RMP64: variants seen among roughly 807,000 people sequenced by gnomAD.
The protein encoded by RMP64 is nucleolus and neural progenitor protein.
At chr3:113,003,723 T>C in the RMP64 span, 1 of 152,134 alleles carries the variant, frequency 6.6e-6, no homozygotes, top group Non-Finnish European at 1.5e-5. Flanking sequence ...AAAGATAAGC[T>C]CCAAAGTTTA....
the RMP64 span, chr3:113,008,221 G>A: frequency 3.1e-6 from 5 of 1,613,994 alleles, no homozygotes; most frequent in East Asian, 2.2e-5. Flanking sequence ...TAAGAAGTTT[G>A]TTACCCAGAA....
At chr3:113,005,696 A>C in the RMP64 span, 1 of 1,613,986 alleles carries the variant, frequency 6.2e-7, no homozygotes, top group Admixed American at 1.7e-5. Context: ...AGTTTGTATG[A>C]CAGGCATTGA....
chr3:113,017,508 T>C, the RMP64 span: 1 of 1,614,192 alleles, frequency 6.2e-7, no homozygotes, highest in Non-Finnish European at 8.5e-7. Flanking sequence ...TGTAAAGGAC[T>C]GCACATAACA....
chr3:113,013,944 C>CTG, the RMP64 span: 1 of 1,598,520 alleles, frequency 6.3e-7, no homozygotes, highest in Non-Finnish European at 8.6e-7. Context: ...AACTGGACCA[C>CTG]TTACTTACTT....
the RMP64 span, chr3:113,012,684 G>T: frequency 9.8e-7 from 1 of 1,016,330 alleles, no homozygotes; most frequent in Non-Finnish European, 1.5e-6. Flanking sequence ...AGAAACCTAG[G>T]CTGAAAGGAG....
At chr3:113,015,063 A>C in the RMP64 span, 1 of 152,196 alleles carries the variant, frequency 6.6e-6, no homozygotes, top group Non-Finnish European at 1.5e-5. Flanking sequence ...AATTTCTAGA[A>C]GTATATTTGC....
chr3:113,005,552 G>A, the RMP64 span: 1 of 1,610,768 alleles, frequency 6.2e-7, no homozygotes, highest in East Asian at 2.2e-5. Context: ...TCCCATTAAA[G>A]CAAAAATATC....
At chr3:113,012,490 G>A in the RMP64 span, 5 of 333,722 alleles carry the variant, frequency 1.5e-5, no homozygotes, top group South Asian at 1.3e-4. Context: ...AGTCACTCCC[G>A]ATTTTTTTAG....
At chr3:113,011,332 G>C in the RMP64 span, 1 of 1,613,136 alleles carries the variant, frequency 6.2e-7, no homozygotes, top group East Asian at 2.2e-5. Flanking sequence ...TTGAATCCTA[G>C]CGACCTCTTG....
the RMP64 span, chr3:113,011,167 T>G: frequency 6.2e-7 from 1 of 1,613,638 alleles, no homozygotes; most frequent in Non-Finnish European, 8.5e-7. Context: ...TCTTGGTGAC[T>G]GCTCATTTAT....
chr3:113,004,251 G>T, the RMP64 span: 1 of 152,158 alleles, frequency 6.6e-6, no homozygotes, highest in Non-Finnish European at 1.5e-5. Context: ...CTGGATTTGG[G>T]GGCCACCTGG....
At chr3:113,008,573 T>C in the RMP64 span, 4 of 670,762 alleles carry the variant, frequency 6.0e-6, no homozygotes, top group Non-Finnish European at 5.1e-6. Context: ...GATACCCCAT[T>C]TACCCTGTGG....
At chr3:113,019,499 C>G in the RMP64 span, 1 of 1,514,120 alleles carries the variant, frequency 6.6e-7, no homozygotes, top group Non-Finnish European at 9.1e-7. Context: ...CTGGCGGCCT[C>G]CCCCGGAAAC....
At chr3:113,012,821 C>T in the RMP64 span, 23 of 1,533,952 alleles carry the variant, frequency 1.5e-5, no homozygotes, top group Non-Finnish European at 2.1e-5. Flanking sequence ...ACTGGAAAAT[C>T]AATTTAAGGT....
the RMP64 span, chr3:113,011,411 A>G: frequency 1.9e-6 from 3 of 1,550,154 alleles, no homozygotes; most frequent in African/African-American, 2.8e-5. Context: ...AGAACCCTAG[A>G]GAAAGAAATA....
chr3:113,008,535 T>A, the RMP64 span: 1 of 949,398 alleles, frequency 1.1e-6, no homozygotes. Context: ...AAATTAGAAT[T>A]ATCAGTCCCT....
At chr3:113,006,391 G>A in the RMP64 span, among the ~76,000 whole-genome samples, 69 of 152,296 alleles carry the variant, frequency 4.5e-4, 1 homozygote, top group African/African-American at 1.6e-3. Flanking sequence ...GTATTAATCC[G>A]AATCTGGATA....
At chr3:113,013,076 C>A in the RMP64 span, 1 of 643,054 alleles carries the variant, frequency 1.6e-6, no homozygotes. Flanking sequence ...ATAATACGTG[C>A]TGAACAGTGA....
At chr3:113,005,303 G>T in the RMP64 span, 3 of 525,048 alleles carry the variant, frequency 5.7e-6, no homozygotes, top group Non-Finnish European at 1.0e-5. Context: ...GGCTGTGGCA[G>T]ATTTTTCATA....
Sources: gnomAD v4.1 joint callset for allele counts (sites outside exome capture counted in the v4.1 genomes callset) on GRCh38, gnomAD v4.1.1 for gene constraint, MANE v1.5 for transcripts, NCBI Gene and HGNC (gene_info 2026-07-23, HGNC 2026-07-21) for gene names.